Variants in GPC5 observed in about 807,000 individuals in gnomAD.
GPC5 encodes glypican 5, also known as glypican-5.
In GPC5, 47 loss-of-function variants were observed where a neutral mutation model predicts 53.9. That is an observed-to-expected ratio of 0.87 (90% CI 0.69 to 1.11). The LOEUF is 1.11. GPC5 is among the 50% of genes most tolerant of loss of function. The probability of loss-of-function intolerance (pLI) is 0.00; values close to 1 mark genes in which losing one functional copy is unlikely to be tolerated. For synonymous variants in GPC5, 286 were observed against 263.3 expected (o/e 1.09, Z -0.84); for missense variants, 748 against 713.1 (o/e 1.05, Z -0.56).
intron 6 of GPC5, chr13:92,059,750 G>C (rs1309478238): frequency 2.0e-5 from 3 of 151,828 alleles, no homozygotes; most frequent in African/African-American, 7.3e-5. Flanking sequence ...TACCACTGCA[G>C]CCAGATATAA....
chr13:92,507,144 T>C (rs978832870), intron 7 of GPC5, among the ~76,000 whole-genome samples: 7 of 152,170 alleles, frequency 4.6e-5, no homozygotes, highest in Non-Finnish European at 1.0e-4. Flanking sequence ...ATTACTTCCA[T>C]TGGTAAATCT....
chr13:91,681,557 T>C (rs1468974004), intron 2 of GPC5, among the ~76,000 whole-genome samples: 2 of 152,238 alleles, frequency 1.3e-5, no homozygotes, highest in Non-Finnish European at 2.9e-5. Flanking sequence ...CACCTTCTTG[T>C]TCTAACTAAA....
intron 5 of GPC5, among the ~76,000 whole-genome samples, chr13:91,883,422 G>GT (rs1207340868): frequency 6.6e-6 from 1 of 152,198 alleles, no homozygotes; most frequent in Non-Finnish European, 1.5e-5. Context: ...ATATCAACCT[G>GT]TTTTTGGACT....
intron 4 of GPC5, among the ~76,000 whole-genome samples, chr13:91,737,352 G>A (rs975787017): frequency 6.6e-6 from 1 of 151,292 alleles, no homozygotes; most frequent in Non-Finnish European, 1.5e-5. Context: ...GTTTTCCTCA[G>A]GTATCCTTTT....
At chr13:91,476,108 G>A (rs150767577) in intron 2 of GPC5, among the ~76,000 whole-genome samples, 28 of 152,278 alleles carry the variant, frequency 1.8e-4, no homozygotes, top group African/African-American at 6.7e-4. Flanking sequence ...CTGGGACCAG[G>A]TAATTATTTG....
rs996534332 is a variant in GPC5, at chr13:92,817,063, G to A, written c.1562-49219G>A. The stretch of plus-strand genomic sequence containing the variant: ...TTGAAGGATTCTAATACTAAGGTTA[G>A]AAGCTTAAGGTTGGAAGAACAATGC... On this transcript the variant is annotated intron_variant, in intron 7 of 7. Coordinates refer to ENST00000377067, the MANE Select transcript of GPC5 (RefSeq NM_004466.6). Among the ~76,000 whole-genome samples, 11 of 151,920 alleles carry A rather than the reference G, an allele frequency of 7.2e-5. 1 individual carries two copies. The highest frequency in any genetic ancestry group is 2.7e-4 in the African/African-American group (11 of 41,246).
intron 5 of GPC5, among the ~76,000 whole-genome samples, chr13:91,793,266 G>C (rs991148049): frequency 6.6e-6 from 1 of 152,076 alleles, no homozygotes; most frequent in African/African-American, 2.4e-5. Context: ...ATCTTGTGAG[G>C]CTTATTCACT....
chr13:92,022,330 G>A (rs1014089016), intron 6 of GPC5, among the ~76,000 whole-genome samples: 2 of 152,006 alleles, frequency 1.3e-5, no homozygotes, highest in African/African-American at 2.4e-5. Flanking sequence ...TAGCAGTTGT[G>A]GGGGAGATTC....
intron 2 of GPC5, among the ~76,000 whole-genome samples, chr13:91,497,787 A>C (rs1413979783): frequency 6.6e-6 from 1 of 152,162 alleles, no homozygotes; most frequent in African/African-American, 2.4e-5. Flanking sequence ...AATGAAAACA[A>C]AGTTATTCTT....
At chr13:92,361,826 G>A (rs752736116) in intron 7 of GPC5, among the ~76,000 whole-genome samples, 18 of 151,648 alleles carry the variant, frequency 1.2e-4, no homozygotes, top group African/African-American at 2.2e-4. Context: ...GGATTAGCTG[G>A]TAAGAAAAGT....
chr13:92,110,867 G>A (rs774316836), intron 6 of GPC5, among the ~76,000 whole-genome samples: 4 of 152,034 alleles, frequency 2.6e-5, no homozygotes, highest in South Asian at 2.1e-4. Flanking sequence ...ATTTTCTTTC[G>A]ATGTCCTGAT....
intron 7 of GPC5, among the ~76,000 whole-genome samples, chr13:92,473,775 T>C (rs571971196): frequency 1.4e-4 from 22 of 152,246 alleles, no homozygotes; most frequent in Non-Finnish European, 2.9e-4. Context: ...TACTGCTCTA[T>C]TGCATTAGAA....
At chr13:91,463,394 T>A (rs990185230) in intron 2 of GPC5, among the ~76,000 whole-genome samples, 2 of 152,050 alleles carry the variant, frequency 1.3e-5, no homozygotes, top group African/African-American at 2.4e-5. Context: ...TATTGGAAAA[T>A]TTTTAAGGAG....
intron 1 of GPC5, among the ~76,000 whole-genome samples, chr13:91,443,282 T>C (rs968255430): frequency 3.3e-5 from 5 of 152,118 alleles, no homozygotes; most frequent in African/African-American, 1.2e-4. Flanking sequence ...TAATCCAACG[T>C]GACTGTTGTC....
intron 7 of GPC5, among the ~76,000 whole-genome samples, chr13:92,272,484 G>T (rs1386690562): frequency 6.6e-6 from 1 of 152,148 alleles, no homozygotes; most frequent in Non-Finnish European, 1.5e-5. Context: ...TAGTGATTCT[G>T]CCATCACAGC....
intron 6 of GPC5, among the ~76,000 whole-genome samples, chr13:92,135,614 G>A (rs1026694432): frequency 3.3e-5 from 5 of 152,170 alleles, no homozygotes; most frequent in African/African-American, 1.2e-4. Context: ...CCTCTGGGCA[G>A]TATTAGAGCC....
At chr13:91,846,421 C>T (rs1285447249) in intron 5 of GPC5, among the ~76,000 whole-genome samples, 2 of 151,740 alleles carry the variant, frequency 1.3e-5, no homozygotes, top group East Asian at 3.9e-4. Context: ...ACTTTTTATT[C>T]TTTTATTGGT....
chr13:92,163,026 A>G (rs1395369504), intron 7 of GPC5, among the ~76,000 whole-genome samples: 2 of 152,182 alleles, frequency 1.3e-5, no homozygotes, highest in Non-Finnish European at 2.9e-5. Flanking sequence ...GATCAAATAT[A>G]CTGCATGAAA....
At chr13:92,371,239 T>C (rs558964235) in intron 7 of GPC5, among the ~76,000 whole-genome samples, 1 of 152,366 alleles carries the variant, frequency 6.6e-6, no homozygotes, top group African/African-American at 2.4e-5. Context: ...TTGCATTTAG[T>C]ATGTTATTTC....
Sources: allele counts gnomAD v4.1 joint callset (sites outside exome capture counted in the v4.1 genomes callset), GRCh38; gene constraint gnomAD v4.1.1; transcripts MANE v1.5; gene names NCBI Gene and HGNC (gene_info 2026-07-23, HGNC 2026-07-21).